ATP9B: variants seen among roughly 807,000 people sequenced by gnomAD.
ATP9B encodes probable phospholipid-transporting ATPase IIB.
ATP9B carries 110 observed loss-of-function variants against 146.1 expected under a neutral mutation model. The observed-to-expected ratio is 0.75, with a 90% confidence interval of 0.65 to 0.88. The LOEUF (loss-of-function observed/expected upper bound fraction) is 0.88, where lower values mean the gene tolerates loss of function less well. Among genes scored for constraint, ATP9B ranks in the 40% least tolerant of loss-of-function variants. The probability of loss-of-function intolerance (pLI) is 0.00; values close to 1 mark genes in which losing one functional copy is unlikely to be tolerated. For synonymous variants in ATP9B, 604 were observed against 569.7 expected (o/e 1.06, Z -0.86); for missense variants, 1,499 against 1,496.4 (o/e 1.00, Z -0.03).
intron 25 of ATP9B, among the ~76,000 whole-genome samples, chr18:79,351,300 C>T (rs1345307846): frequency 6.6e-6 from 1 of 152,210 alleles, no homozygotes. Context: ...GCCTCACAGC[C>T]CGAGTGCTCT....
chr18:79,298,730 A>G (rs1311999596), intron 13 of ATP9B, among the ~76,000 whole-genome samples: 2 of 146,648 alleles, frequency 1.4e-5, no homozygotes, highest in East Asian at 2.0e-4. Flanking sequence ...GGATTTTTCA[A>G]TGGATACAGA....
chr18:79,272,430 C>G (rs968148011), intron 12 of ATP9B, among the ~76,000 whole-genome samples: 1 of 152,104 alleles, frequency 6.6e-6, no homozygotes, highest in Admixed American at 6.5e-5. Flanking sequence ...GAATCCTGCA[C>G]GGATACGCTC....
chr18:79,095,516 A>G (rs934070898), intron 1 of ATP9B: 9 of 152,128 alleles, frequency 5.9e-5, no homozygotes, highest in Admixed American at 3.9e-4. Context: ...GGATGGTACT[A>G]TCTCTGTCCC....
intron 26 of ATP9B, among the ~76,000 whole-genome samples, chr18:79,371,952 C>T (rs1440794020): frequency 6.6e-6 from 1 of 152,198 alleles, no homozygotes; most frequent in Non-Finnish European, 1.5e-5. Context: ...CGAGTCTCCT[C>T]GTCTGTAAAT....
chr18:79,119,341 G>A (rs944640526), intron 4 of ATP9B, among the ~76,000 whole-genome samples: 3 of 152,134 alleles, frequency 2.0e-5, no homozygotes, highest in Admixed American at 6.6e-5. Context: ...GCACACACAC[G>A]TCTGTTTACC....
intron 13 of ATP9B, among the ~76,000 whole-genome samples, chr18:79,284,159 G>T (rs185255157): frequency 3.3e-5 from 5 of 152,220 alleles, no homozygotes; most frequent in Non-Finnish European, 7.3e-5. Flanking sequence ...CAAGCATGAC[G>T]TGTGTGCTAG....
rs190343774 is a variant in ATP9B at position 79,320,719 on chromosome 18, G to A, written c.1774-8422G>A. Among the ~76,000 whole-genome samples, 35 of 152,208 alleles carry A rather than the reference G, an allele frequency of 2.3e-4. 1 individual carries two copies. The highest frequency in any genetic ancestry group is 2.2e-3 in the Admixed American group (33 of 15,276). On this transcript the variant is annotated intron_variant, in intron 15 of 29. Coordinates refer to ENST00000426216, the MANE Select transcript of ATP9B (RefSeq NM_198531.5). ...CTCCCACCCCCCTCCAGCCCTCGTT[G>A]CTTGTAGAACCCTATCCCACTTCCT... is the stretch of plus-strand genomic sequence containing the variant.
chr18:79,273,174 T>C (rs1397859536), intron 12 of ATP9B, among the ~76,000 whole-genome samples: 1 of 152,220 alleles, frequency 6.6e-6, no homozygotes, highest in Admixed American at 6.5e-5. Flanking sequence ...TAACACCCAT[T>C]GTGTGTCTGT....
At chr18:79,271,737 C>T (rs1258817151) in intron 12 of ATP9B, among the ~76,000 whole-genome samples, 2 of 152,144 alleles carry the variant, frequency 1.3e-5, no homozygotes, top group African/African-American at 4.8e-5. Context: ...GATTTATAAT[C>T]CTTTGGGTAT....
intron 7 of ATP9B, among the ~76,000 whole-genome samples, chr18:79,176,351 A>G (rs1051835028): frequency 7.2e-5 from 11 of 152,222 alleles, no homozygotes; most frequent in African/African-American, 2.4e-4. Context: ...GGTAACATTT[A>G]CCTGGGTCTT....
chr18:79,204,428 CTT>C (rs368126611), intron 9 of ATP9B, among the ~76,000 whole-genome samples: 2 of 152,284 alleles, frequency 1.3e-5, no homozygotes, highest in African/African-American at 4.8e-5. Context: ...TAGTATTACT[CTT>C]TTGACTCTTC....
chr18:79,220,507 G>A (rs975212052), intron 11 of ATP9B, among the ~76,000 whole-genome samples: 15 of 152,068 alleles, frequency 9.9e-5, no homozygotes, highest in Admixed American at 8.5e-4. Flanking sequence ...AGGCTGAGGT[G>A]GGTGGATCGC....
chr18:79,234,448 T>C (rs1414568987), intron 11 of ATP9B, among the ~76,000 whole-genome samples: 1 of 152,242 alleles, frequency 6.6e-6, no homozygotes, highest in Admixed American at 6.5e-5. Flanking sequence ...TTTGCATTCA[T>C]CTGTCATGTT....
chr18:79,328,018 G>C (rs901165397), intron 15 of ATP9B, among the ~76,000 whole-genome samples: 7 of 140,332 alleles, frequency 5.0e-5, no homozygotes, highest in South Asian at 2.3e-4. Context: ...CGTGCTCTCC[G>C]TGGTTAGCGT....
chr18:79,174,698 A>ATATCC (rs1288343947), intron 7 of ATP9B, among the ~76,000 whole-genome samples: 1 of 152,122 alleles, frequency 6.6e-6, no homozygotes. Context: ...ACATTCCTTT[A>ATATCC]TATCCTGTAT....
At chr18:79,265,125 G>A (rs1568530218) in intron 12 of ATP9B, among the ~76,000 whole-genome samples, 2 of 152,102 alleles carry the variant, frequency 1.3e-5, no homozygotes, top group Non-Finnish European at 2.9e-5. Flanking sequence ...CTCACATTTA[G>A]TGTGTTCTCA....
At chr18:79,190,969 G>A (rs2095361071) in intron 8 of ATP9B, among the ~76,000 whole-genome samples, 1 of 152,058 alleles carries the variant, frequency 6.6e-6, no homozygotes, top group East Asian at 1.9e-4. Context: ...ATGAGTTTCT[G>A]CCTGATATTG....
At position 79,290,908 on chromosome 18, in the gene ATP9B, T is replaced by G. The variant is rs374380832; in HGVS notation, c.1412-12696T>G. Among the ~76,000 whole-genome samples the G allele has an allele frequency of 2.6e-5, 4 of 152,354 alleles. No individual in the cohort carries two copies. The South Asian group carries it at 8.3e-4, about 32-fold the overall frequency. On this transcript the variant is annotated intron_variant, in intron 13 of 29. Coordinates refer to ENST00000426216, the MANE Select transcript of ATP9B (RefSeq NM_198531.5). ...GGCATATCTCAGTGTTACCTTTCTT[T>G]ATATATTAAAATCACTGGCTCCCTT...
At chr18:79,175,645 G>GCA (rs1359478563) in intron 7 of ATP9B, among the ~76,000 whole-genome samples, 3 of 152,142 alleles carry the variant, frequency 2.0e-5, no homozygotes, top group Non-Finnish European at 4.4e-5. Flanking sequence ...ACACCAATAT[G>GCA]CACACACACA....
Sources: gnomAD v4.1 joint callset for allele counts (sites outside exome capture counted in the v4.1 genomes callset) on GRCh38, gnomAD v4.1.1 for gene constraint, MANE v1.5 for transcripts, NCBI Gene and HGNC (gene_info 2026-07-23, HGNC 2026-07-21) for gene names.